The following PBX1 variants were observed in gnomAD, a reference collection of about 807,000 sequenced individuals.
PBX1 encodes the protein PBX homeobox 1.
A neutral mutation model predicts 53.4 loss-of-function variants in PBX1; 6 were observed. The ratio of observed to expected loss-of-function variants is 0.11; its 90% confidence interval spans 0.06 to 0.22. The LOEUF is 0.22. Among genes scored for constraint, PBX1 ranks in the 10% least tolerant of loss-of-function variants. The pLI is 1.00. For missense variants in PBX1, 251 were observed against 551.4 expected (o/e 0.46, Z 5.46); for synonymous variants, 204 against 212.3 (o/e 0.96, Z 0.34).
At chr1:164,880,059 G>T (rs531933185) in intron 2 of PBX1, among the ~76,000 whole-genome samples, 1 of 152,282 alleles carries the variant, frequency 6.6e-6, no homozygotes, top group African/African-American at 2.4e-5. Flanking sequence ...TTCTGTCAAG[G>T]ATGGAGAGGG....
chr1:164,648,527 C>T (rs1190056556), intron 2 of PBX1, among the ~76,000 whole-genome samples: 1 of 152,168 alleles, frequency 6.6e-6, no homozygotes, highest in Non-Finnish European at 1.5e-5. Context: ...CTGTTATCCT[C>T]CCCATTTTAC....
chr1:164,640,654 T>G (rs1471496851), intron 2 of PBX1, among the ~76,000 whole-genome samples: 1 of 147,864 alleles, frequency 6.8e-6, no homozygotes, highest in African/African-American at 2.5e-5. Flanking sequence ...CCTCCCAGGG[T>G]CAAACAATTC....
intron 2 of PBX1, among the ~76,000 whole-genome samples, chr1:164,604,581 T>A (rs1373537123): frequency 6.6e-6 from 1 of 152,236 alleles, no homozygotes; most frequent in Non-Finnish European, 1.5e-5. Context: ...GACCCTTTTT[T>A]ATTCTGTCCT....
intron 2 of PBX1, among the ~76,000 whole-genome samples, chr1:164,675,958 A>G (rs909695346): frequency 2.0e-5 from 3 of 152,092 alleles, no homozygotes; most frequent in Non-Finnish European, 2.9e-5. Flanking sequence ...TTTTCTCACT[A>G]GGACCTCTCC....
chr1:164,809,775 T>C (rs1669519652), intron 5 of PBX1, among the ~76,000 whole-genome samples: 1 of 152,116 alleles, frequency 6.6e-6, no homozygotes, highest in East Asian at 1.9e-4. Flanking sequence ...CCCAAATCCA[T>C]CTGAAATCCG....
chr1:164,793,628 A>G (rs1467875195), intron 3 of PBX1, among the ~76,000 whole-genome samples: 2 of 152,110 alleles, frequency 1.3e-5, no homozygotes, highest in African/African-American at 4.8e-5. Context: ...TACACACATC[A>G]TATAGCAATG....
intron 1 of PBX1, among the ~76,000 whole-genome samples, chr1:164,562,401 A>G (rs1386096298): frequency 6.6e-6 from 1 of 151,900 alleles, no homozygotes; most frequent in Non-Finnish European, 1.5e-5. Context: ...AAGTGGTTCC[A>G]TAATAAAATA....
At chr1:164,871,681 G>A (rs966021042) in intron 2 of PBX1, among the ~76,000 whole-genome samples, 3 of 152,088 alleles carry the variant, frequency 2.0e-5, no homozygotes, top group African/African-American at 4.8e-5. Flanking sequence ...GCATCCCCTG[G>A]GAACCTGTGG....
Position 164,869,228 on chromosome 1 carries a change from G to C in PBX1, n.258-29960G>C, listed in dbSNP as rs564591923. On this transcript the variant is annotated intron_variant and non_coding_transcript_variant, in intron 2 of 2. Transcript: ENST00000558796. ...AGAACACTGTGCAACAGTGACGATG[G>C]CAGTCATGATGACTTTACTCCACTG... Among the ~76,000 whole-genome samples, 16 of 152,294 alleles carry C rather than the reference G, an allele frequency of 1.1e-4. No individual in the cohort carries two copies. In the South Asian group the frequency reaches 3.1e-3, roughly 30 times the overall value.
At chr1:164,679,513 C>T (rs1252420051) in intron 2 of PBX1, among the ~76,000 whole-genome samples, 1 of 152,116 alleles carries the variant, frequency 6.6e-6, no homozygotes, top group East Asian at 1.9e-4. Flanking sequence ...GCTTTTGCTG[C>T]AAGTAGGCAG....
At chr1:164,583,026 A>G (rs1033290774) in intron 2 of PBX1, among the ~76,000 whole-genome samples, 2 of 152,248 alleles carry the variant, frequency 1.3e-5, no homozygotes, top group African/African-American at 4.8e-5. Context: ...ATTAACACTT[A>G]CTGAGTACTT....
In PBX1 at chr1:164,760,386, T is replaced by A. The variant is rs571797802; in HGVS notation, c.266-32108T>A. Among the ~76,000 whole-genome samples, 176 of 130,338 alleles carry A rather than the reference T, an allele frequency of 1.4e-3. 1 individual carries two copies. The highest frequency in any genetic ancestry group is 5.0e-3 in the African/African-American group (175 of 34,764). 85.5% of individuals were successfully genotyped at this position (130,338 alleles called of 152,430 possible). A position where few individuals can be genotyped will look rare whatever the true frequency, so the allele number is the denominator to read the frequency against. ...TTCCCTCCCTTCCTCCCTCCCACCCTTCTTTGCTCCCTCCTTTCCTCCTTC... is the reference window on the plus strand; with the variant it reads ...TTCCCTCCCTTCCTCCCTCCCACCCATCTTTGCTCCCTCCTTTCCTCCTTC... On this transcript the variant is annotated intron_variant, in intron 2 of 8. Coordinates refer to ENST00000420696, the MANE Select transcript of PBX1 (RefSeq NM_002585.4).
At chr1:164,608,406 T>G (rs1030690356) in intron 2 of PBX1, among the ~76,000 whole-genome samples, 9 of 152,198 alleles carry the variant, frequency 5.9e-5, no homozygotes. Flanking sequence ...CTTCCACCTA[T>G]GCGGAGTGTA....
rs547415900 is a variant in PBX1 at position 164,772,277 on chromosome 1, T to C, written c.266-20217T>C. Reference sequence around the variant, plus strand: ...GGGTACAGCAGTGAAATTTTCTCTATCTTTAAAAGAACATGTGGTTTAAAC... The same window carrying C: ...GGGTACAGCAGTGAAATTTTCTCTACCTTTAAAAGAACATGTGGTTTAAAC... On this transcript the variant is annotated intron_variant, in intron 2 of 8. Transcript: ENST00000420696. Among the ~76,000 whole-genome samples, 204 of 152,342 alleles carry C rather than the reference T, an allele frequency of 1.3e-3. 1 individual carries two copies. Among genetic ancestry groups the C allele is most frequent in the African/African-American group, 4.7e-3 (197 of 41,582 alleles).
chr1:164,742,719 C>G lies in PBX1; in HGVS notation c.266-49775C>G, dbSNP rs920570653. Among the ~76,000 whole-genome samples, 3 of 152,140 alleles carry G rather than the reference C, an allele frequency of 2.0e-5. No individual in the cohort carries two copies. In the South Asian group the frequency reaches 6.2e-4, roughly 32 times the overall value. ...TTTTTAGATAACCTTGTCCTAACCT[C>G]CCTCTGACTTAAAAAATGAAATTGG... On this transcript the variant is annotated intron_variant, in intron 2 of 8. Coordinates refer to ENST00000420696, the MANE Select transcript of PBX1 (RefSeq NM_002585.4).
intron 2 of PBX1, among the ~76,000 whole-genome samples, chr1:164,859,738 A>G (rs1672054951): frequency 6.6e-6 from 1 of 152,148 alleles, no homozygotes; most frequent in South Asian, 2.1e-4. Context: ...GCCACCTCCT[A>G]TGTGCCAGGC....
At chr1:164,751,258 T>C (rs1557984656) in intron 2 of PBX1, among the ~76,000 whole-genome samples, 1 of 146,410 alleles carries the variant, frequency 6.8e-6, no homozygotes, top group African/African-American at 2.6e-5. Flanking sequence ...GAGGTGGCAG[T>C]GAGCTGAGAT....
intron 8 of PBX1, among the ~76,000 whole-genome samples, chr1:164,836,216 T>C (rs1671031633): frequency 6.6e-6 from 1 of 152,184 alleles, no homozygotes; most frequent in Non-Finnish European, 1.5e-5. Context: ...ATCTGTAAGA[T>C]AACACATTCT....
chr1:164,688,343 A>C (rs1016401852), intron 2 of PBX1, among the ~76,000 whole-genome samples: 1 of 152,236 alleles, frequency 6.6e-6, no homozygotes, highest in African/African-American at 2.4e-5. Flanking sequence ...ATTTGAGTAC[A>C]GATCAATTAC....
Sources: gnomAD v4.1 joint callset for allele counts (sites outside exome capture counted in the v4.1 genomes callset) on GRCh38, gnomAD v4.1.1 for gene constraint, MANE v1.5 for transcripts, NCBI Gene and HGNC (gene_info 2026-07-23, HGNC 2026-07-21) for gene names.